The following CDH13 variants were observed in gnomAD, a reference collection of about 807,000 sequenced individuals.
CDH13 encodes the protein cadherin 13.
Under a neutral mutation model 63.8 loss-of-function variants are expected in CDH13, and 24 were observed. That is an observed-to-expected ratio of 0.38 (90% CI 0.27 to 0.53). The LOEUF (loss-of-function observed/expected upper bound fraction) is 0.53. CDH13 is among the 20% of genes least tolerant of loss of function. The pLI, the probability that CDH13 is intolerant of heterozygous loss-of-function variation, is 0.85. For missense variants in CDH13, 1,049 were observed against 903.1 expected, an observed-to-expected ratio of 1.16 and a Z score of -2.07; for synonymous variants, 503 against 355.3, an observed-to-expected ratio of 1.42 and a Z score of -4.67.
At chr16:83,160,351 A>G (rs2037394207) in intron 4 of CDH13, among the ~76,000 whole-genome samples, 1 of 152,120 alleles carries the variant, frequency 6.6e-6, no homozygotes, top group African/African-American at 2.4e-5. Flanking sequence ...CTGCTCTTAA[A>G]AAAACCGTAA....
At chr16:83,439,557 G>A (rs1056895754) in intron 6 of CDH13, among the ~76,000 whole-genome samples, 2 of 152,216 alleles carry the variant, frequency 1.3e-5, no homozygotes, top group Non-Finnish European at 2.9e-5. Context: ...TCTTTAGGTA[G>A]GACAGCCTAG....
chr16:83,309,704 T>C (rs1030110095), intron 5 of CDH13, among the ~76,000 whole-genome samples: 1 of 152,218 alleles, frequency 6.6e-6, no homozygotes, highest in African/African-American at 2.4e-5. Flanking sequence ...AATGTCCTGT[T>C]GCAATCCTTA....
chr16:83,317,806 A>G (rs1004265118), intron 5 of CDH13, among the ~76,000 whole-genome samples: 1 of 151,856 alleles, frequency 6.6e-6, no homozygotes, highest in African/African-American at 2.4e-5. Context: ...TCTCAAGAAA[A>G]AAAAAAAAAG....
chr16:83,314,963 A>G (rs2090076083), intron 5 of CDH13, among the ~76,000 whole-genome samples: 3 of 152,136 alleles, frequency 2.0e-5, no homozygotes, highest in Non-Finnish European at 2.9e-5. Flanking sequence ...CCTTGAAAAG[A>G]CTTGGGAGGT....
intron 6 of CDH13, among the ~76,000 whole-genome samples, chr16:83,369,949 C>T (rs2091333005): frequency 6.6e-6 from 1 of 152,220 alleles, no homozygotes; most frequent in African/African-American, 2.4e-5. Flanking sequence ...CCTAGACTCC[C>T]ATTCCCTGCA....
chr16:83,050,244 G>A (rs1203382967), intron 3 of CDH13, among the ~76,000 whole-genome samples: 1 of 152,146 alleles, frequency 6.6e-6, no homozygotes, highest in African/African-American at 2.4e-5. Context: ...ATACCTAGGA[G>A]TGGAATTGCT....
At chr16:82,906,737 G>A (rs1053619695) in intron 2 of CDH13, among the ~76,000 whole-genome samples, 54 of 152,190 alleles carry the variant, frequency 3.5e-4, no homozygotes, top group African/African-American at 1.2e-3. Flanking sequence ...TACTCCCTCC[G>A]AAGGCTCCAG....
chr16:82,794,079 C>T (rs745721431), intron 1 of CDH13, among the ~76,000 whole-genome samples: 2 of 151,958 alleles, frequency 1.3e-5, no homozygotes, highest in Non-Finnish European at 2.9e-5. Context: ...GCCCGTGGGT[C>T]ACATGCTGCT....
chr16:82,708,915 C>T (rs1403153481), intron 1 of CDH13, among the ~76,000 whole-genome samples: 1 of 152,138 alleles, frequency 6.6e-6, no homozygotes, highest in African/African-American at 2.4e-5. Context: ...TAACTTGTTT[C>T]TCAGTCTTTT....
At chr16:83,740,001 C>T (rs182513159) in intron 10 of CDH13, 3 of 152,168 alleles carry the variant, frequency 2.0e-5, no homozygotes, top group Non-Finnish European at 2.9e-5. Flanking sequence ...ACACAGAGGC[C>T]TTGGTGTTGG....
At chr16:82,869,347 T>A (rs2040264760) in intron 2 of CDH13, among the ~76,000 whole-genome samples, 1 of 127,900 alleles carries the variant, frequency 7.8e-6, no homozygotes, top group Non-Finnish European at 1.7e-5. Flanking sequence ...TCAGCGGGAA[T>A]TTTTTTTTTT....
chr16:83,001,298 T>C (rs894256328), intron 2 of CDH13, among the ~76,000 whole-genome samples: 1 of 152,258 alleles, frequency 6.6e-6, no homozygotes, highest in Non-Finnish European at 1.5e-5. Flanking sequence ...AGCCTTCTAT[T>C]GGAGCTGCTT....
At chr16:82,879,359 T>C (rs1872071255) in intron 2 of CDH13, among the ~76,000 whole-genome samples, 1 of 151,610 alleles carries the variant, frequency 6.6e-6, no homozygotes, top group African/African-American at 2.4e-5. Context: ...TTCTATCCAT[T>C]AATGTCATCT....
intron 2 of CDH13, among the ~76,000 whole-genome samples, chr16:82,976,318 T>C (rs559415431): frequency 1.1e-3 from 168 of 152,238 alleles, no homozygotes; most frequent in African/African-American, 3.8e-3. Context: ...GGGGGCCGAT[T>C]CTTCTTGCTT....
chr16:83,661,168 T>A (rs1913406600), intron 8 of CDH13, among the ~76,000 whole-genome samples: 1 of 152,152 alleles, frequency 6.6e-6, no homozygotes, highest in African/African-American at 2.4e-5. Flanking sequence ...AAATGTTTGA[T>A]GCCTTGGTAG....
chr16:82,774,179 C>T (rs1014037805), intron 1 of CDH13, among the ~76,000 whole-genome samples: 4 of 152,082 alleles, frequency 2.6e-5, no homozygotes, highest in African/African-American at 9.7e-5. Context: ...GAGGCTACAT[C>T]ATAGTGGTTA....
chr16:83,339,473 G>C (rs1446616565), intron 5 of CDH13, among the ~76,000 whole-genome samples: 1 of 152,130 alleles, frequency 6.6e-6, no homozygotes, highest in Non-Finnish European at 1.5e-5. Flanking sequence ...CTCAGTACCA[G>C]CTTTGTATCA....
chr16:82,849,854 A>T (rs2151149789), intron 1 of CDH13, among the ~76,000 whole-genome samples: 1 of 152,356 alleles, frequency 6.6e-6, no homozygotes, highest in South Asian at 2.1e-4. Context: ...CAAAGCCTGG[A>T]TGACAGTACA....
chr16:82,711,288 C>G (rs2031922619), intron 1 of CDH13, among the ~76,000 whole-genome samples: 1 of 152,184 alleles, frequency 6.6e-6, no homozygotes, highest in Non-Finnish European at 1.5e-5. Context: ...CTACCATTCT[C>G]TTAAGGATAG....
Sources: gnomAD v4.1 joint callset for allele counts (sites outside exome capture counted in the v4.1 genomes callset) on GRCh38, gnomAD v4.1.1 for gene constraint, MANE v1.5 for transcripts, NCBI Gene and HGNC (gene_info 2026-07-23, HGNC 2026-07-21) for gene names.